ARMH3: variants seen among roughly 807,000 people sequenced by gnomAD.
ARMH3 encodes the protein armadillo like helical domain containing 3.
Under a neutral mutation model 99.1 loss-of-function variants are expected in ARMH3, and 60 were observed. The observed-to-expected ratio is 0.61, with a 90% CI of 0.49 to 0.75. ARMH3 has a LOEUF of 0.75. Ranked by LOEUF, ARMH3 falls within the 30% of genes least tolerant of loss-of-function variation. The pLI, the probability that ARMH3 is intolerant of heterozygous loss-of-function variation, is 0.00. For missense variants in ARMH3, 679 were observed against 843.1 expected, an observed-to-expected ratio of 0.81 and a Z score of 2.41; for synonymous variants, 285 against 292.8, an observed-to-expected ratio of 0.97 and a Z score of 0.27.
At chr10:101,998,183 T>C (rs908253425) in intron 15 of ARMH3, among the ~76,000 whole-genome samples, 1 of 152,226 alleles carries the variant, frequency 6.6e-6, no homozygotes, top group African/African-American at 2.4e-5. Flanking sequence ...CAGTTCACTG[T>C]GTTATATCCG....
chr10:101,955,024 G>A (rs17114278), intron 22 of ARMH3, among the ~76,000 whole-genome samples: 1,569 of 152,254 alleles, frequency 0.01, 15 homozygotes, highest in Non-Finnish European at 0.015. Context: ...ACCAATGAGT[G>A]CTAAAACCTC....
intron 24 of ARMH3, among the ~76,000 whole-genome samples, chr10:101,856,349 T>C (rs1192396216): frequency 3.3e-5 from 5 of 152,226 alleles, no homozygotes; most frequent in Non-Finnish European, 7.3e-5. Flanking sequence ...GATGGAAGCT[T>C]GAAATTCAAA....
intron 13 of ARMH3, among the ~76,000 whole-genome samples, chr10:102,008,866 A>G (rs1339073324): frequency 6.6e-6 from 1 of 152,122 alleles, no homozygotes; most frequent in Non-Finnish European, 1.5e-5. Context: ...CGCAGGGCCC[A>G]GCGCTCAGTA....
At chr10:101,947,361 G>A (rs1429699860) in intron 22 of ARMH3, among the ~76,000 whole-genome samples, 1 of 152,008 alleles carries the variant, frequency 6.6e-6, no homozygotes, top group Non-Finnish European at 1.5e-5. Context: ...CCAGCTGGGT[G>A]CAGTGGCTCA....
intron 20 of ARMH3, among the ~76,000 whole-genome samples, chr10:101,969,044 G>A (rs776274538): frequency 8.5e-5 from 13 of 152,176 alleles, no homozygotes; most frequent in Middle Eastern, 3.2e-3. Context: ...GCCTAAATCA[G>A]AGAAAATTTA....
Position 101,982,042 on chromosome 10 carries a change from A to C in ARMH3, c.1407-6742T>G, listed in dbSNP as rs965863148. 1.1e-3 allele frequency among the ~76,000 whole-genome samples: 173 copies of C among 150,658 alleles called. 5 individuals carry two copies. The highest frequency in any genetic ancestry group is 3.4e-3 in the Middle Eastern group (1 of 294). ...ATCTCAAAAAAAAAAAAAAAAAAAAAAACAAAGACTGGGGTACCTTCAGCA... is the reference window on the plus strand; with the variant it reads ...ATCTCAAAAAAAAAAAAAAAAAAAACAACAAAGACTGGGGTACCTTCAGCA... On this transcript the variant is annotated intron_variant, in intron 19 of 25. Transcript: ENST00000370033.
intron 20 of ARMH3, among the ~76,000 whole-genome samples, chr10:101,966,643 GA>G (rs1184192135): frequency 6.6e-6 from 1 of 152,042 alleles, no homozygotes; most frequent in Non-Finnish European, 1.5e-5. Flanking sequence ...ACCCCACAAG[GA>G]ACCTTTTTTG....
intron 23 of ARMH3, among the ~76,000 whole-genome samples, chr10:101,926,122 C>A (rs964310314): frequency 6.6e-6 from 1 of 152,208 alleles, no homozygotes; most frequent in South Asian, 2.1e-4. Context: ...GGGCAAGGCC[C>A]AATAGAAAAG....
intron 24 of ARMH3, among the ~76,000 whole-genome samples, chr10:101,871,131 G>C (rs895204780): frequency 2.0e-5 from 3 of 152,064 alleles, no homozygotes; most frequent in Non-Finnish European, 4.4e-5. Flanking sequence ...GATAAATTGA[G>C]CAAAATAGGC....
intron 1 of ARMH3, among the ~76,000 whole-genome samples, chr10:102,047,677 G>T (rs565202214): frequency 6.6e-6 from 1 of 151,878 alleles, no homozygotes; most frequent in Non-Finnish European, 1.5e-5. Context: ...TTGTAGAAAC[G>T]AGATTTCGCC....
At chr10:101,910,471 T>G (rs1289045959) in intron 23 of ARMH3, among the ~76,000 whole-genome samples, 1 of 152,220 alleles carries the variant, frequency 6.6e-6, no homozygotes, top group Admixed American at 6.5e-5. Context: ...GGCTTATGCC[T>G]GTAATCCCAG....
chr10:102,023,651 G>C (rs771334951), intron 7 of ARMH3, 24 bp downstream of exon 7: 2 of 1,611,004 alleles, frequency 1.2e-6, no homozygotes, highest in South Asian at 2.2e-5. Context: ...TTACCCCAAA[G>C]AGAGGAGGTA....
At chr10:101,859,309 C>A (rs2066807117) in intron 24 of ARMH3, among the ~76,000 whole-genome samples, 1 of 152,162 alleles carries the variant, frequency 6.6e-6, no homozygotes, top group Non-Finnish European at 1.5e-5. Flanking sequence ...ATTGTGAGTG[C>A]AAAATTCTAC....
At chr10:101,996,703 T>TG (rs1554885951) in intron 15 of ARMH3, among the ~76,000 whole-genome samples, 1 of 151,876 alleles carries the variant, frequency 6.6e-6, no homozygotes, top group African/African-American at 2.4e-5. Context: ...AATACAAAAC[T>TG]AGGCTTATTT....
intron 20 of ARMH3, among the ~76,000 whole-genome samples, chr10:101,969,942 G>T (rs1274601845): frequency 6.6e-6 from 1 of 152,200 alleles, no homozygotes; most frequent in Non-Finnish European, 1.5e-5. Context: ...GTGGCAGAGT[G>T]AGAGGGTAAC....
chr10:101,903,240 C>T (rs1261152601), intron 23 of ARMH3, among the ~76,000 whole-genome samples: 1 of 152,184 alleles, frequency 6.6e-6, no homozygotes, highest in Non-Finnish European at 1.5e-5. Context: ...GAAGGAAGTT[C>T]TACAGTATCT....
chr10:102,027,745 A>C (rs1454809262), intron 5 of ARMH3, among the ~76,000 whole-genome samples: 2 of 152,088 alleles, frequency 1.3e-5, no homozygotes, highest in Non-Finnish European at 2.9e-5. Context: ...TATGAACTGC[A>C]AAAGGCCAGA....
chr10:101,994,393 G>C (rs5003331), intron 16 of ARMH3, among the ~76,000 whole-genome samples: 2 of 152,038 alleles, frequency 1.3e-5, no homozygotes, highest in Non-Finnish European at 1.5e-5. Context: ...AACATGAAGA[G>C]AGAGAGACTG....
At chr10:102,046,440 G>T (rs555614898) in intron 1 of ARMH3, among the ~76,000 whole-genome samples, 3 of 152,108 alleles carry the variant, frequency 2.0e-5, no homozygotes, top group African/African-American at 7.2e-5. Context: ...ATCACCTGAG[G>T]TCAGGAGTTT....
Sources: gnomAD v4.1 joint callset for allele counts (sites outside exome capture counted in the v4.1 genomes callset) on GRCh38, gnomAD v4.1.1 for gene constraint, MANE v1.5 for transcripts, NCBI Gene and HGNC (gene_info 2026-07-23, HGNC 2026-07-21) for gene names.